Variants in SEMA3A observed in about 807,000 individuals in gnomAD.
SEMA3A encodes semaphorin-3A.
A neutral mutation model predicts 97.9 loss-of-function variants in SEMA3A; 29 were observed. The observed-to-expected ratio is 0.30, with a 90% CI of 0.22 to 0.40. SEMA3A has a LOEUF of 0.40. SEMA3A is among the 10% of genes least tolerant of loss of function. The probability of loss-of-function intolerance (pLI) is 1.00; values close to 1 mark genes in which losing one functional copy is unlikely to be tolerated. For missense variants in SEMA3A, 763 were observed against 951.3 expected, an observed-to-expected ratio of 0.80 and a Z score of 2.60; for synonymous variants, 321 against 323.7, an observed-to-expected ratio of 0.99 and a Z score of 0.09.
intron 3 of SEMA3A, among the ~76,000 whole-genome samples, chr7:84,115,804 T>C (rs1007819582): frequency 7.9e-5 from 12 of 152,162 alleles, no homozygotes; most frequent in Admixed American, 2.6e-4. Flanking sequence ...CTCACCCTGA[T>C]TTCAAAAATG....
rs140486757 is a variant in SEMA3A, at chr7:84,323,966, T to C, written c.-168-16674A>G. On this transcript the variant is annotated intron_variant, in intron 2 of 3. Coordinates refer to the SEMA3A transcript ENST00000424555. ...ATTCTCTTCTAGAGAGTAGCATATT[T>C]TAGTTTTTAAATGTGGTTTACAATA... 1.8e-4 allele frequency among the ~76,000 whole-genome samples: 28 copies of C among 152,336 alleles called. 1 individual carries two copies. The East Asian group carries it at 5.4e-3, about 29-fold the overall frequency.
chr7:84,450,138 A>T (rs1427440640), intron 1 of SEMA3A, among the ~76,000 whole-genome samples: 1 of 151,994 alleles, frequency 6.6e-6, no homozygotes, highest in Non-Finnish European at 1.5e-5. Flanking sequence ...TTTATATTTA[A>T]TTTTTTTGGG....
chr7:84,413,238 T>G (rs1478071231), intron 1 of SEMA3A, among the ~76,000 whole-genome samples: 2 of 152,098 alleles, frequency 1.3e-5, no homozygotes, highest in Non-Finnish European at 2.9e-5. Flanking sequence ...CCTCTCTAAG[T>G]GAAGGTTTTT....
intron 2 of SEMA3A, among the ~76,000 whole-genome samples, chr7:84,337,295 G>A (rs948523586): frequency 6.6e-6 from 1 of 152,038 alleles, no homozygotes; most frequent in Non-Finnish European, 1.5e-5. Flanking sequence ...GTTTTACTGT[G>A]CCTAGCACAT....
chr7:84,009,847 G>A (rs1457621170), intron 9 of SEMA3A, among the ~76,000 whole-genome samples: 2 of 125,294 alleles, frequency 1.6e-5, no homozygotes, highest in Admixed American at 1.0e-4. Flanking sequence ...GAAAGAGCAG[G>A]AAAAGCAGGG....
In SEMA3A at chr7:84,471,996, A is replaced by T. The variant is rs563629561; in HGVS notation, c.-246+20464T>A. Among the ~76,000 whole-genome samples the T allele has an allele frequency of 2.0e-5, 3 of 151,888 alleles. No individual in the cohort carries two copies. The East Asian group carries it at 5.8e-4, about 29-fold the overall frequency. Reference sequence around the variant, plus strand: ...TATTAATTGCATTGACCTGACACTGATCGCTAACCAAATTTAATACAGTTT... The same window carrying T: ...TATTAATTGCATTGACCTGACACTGTTCGCTAACCAAATTTAATACAGTTT... On this transcript the variant is annotated intron_variant, in intron 1 of 3. Transcript: ENST00000424555.
At chr7:84,125,141 A>G (rs1377900339) in intron 3 of SEMA3A, among the ~76,000 whole-genome samples, 1 of 152,174 alleles carries the variant, frequency 6.6e-6, no homozygotes, top group African/African-American at 2.4e-5. Context: ...GAATATGAAG[A>G]AATACCAAAG....
At chr7:84,315,190 G>T (rs10488591) in intron 2 of SEMA3A, among the ~76,000 whole-genome samples, 28,816 of 152,032 alleles carry the variant, frequency 0.19, 3,558 homozygotes, top group Non-Finnish European at 0.29. Context: ...CAGTAAATTT[G>T]TCAGATCACT....
At chr7:84,155,610 T>A (rs1262974552) in intron 1 of SEMA3A, among the ~76,000 whole-genome samples, 2 of 152,168 alleles carry the variant, frequency 1.3e-5, no homozygotes, top group Non-Finnish European at 2.9e-5. Flanking sequence ...GTTTCTGCTT[T>A]ACACTCATTA....
In SEMA3A at chr7:84,007,374, G is replaced by C; in HGVS notation, c.1119C>G (p.Val373=). 1.2e-6 allele frequency: 2 copies of C among 1,607,292 alleles called. No homozygotes were observed. Among genetic ancestry groups the C allele is most frequent in the Non-Finnish European group, 1.7e-6 (2 of 1,176,822 alleles). ...TTACAGTTCCTGGCCGTGGATAGGG[G>C]ACTCTTCCTTGATAAGGCACCCATT... ...NYQWVPYQGR[V]PYPRPGTCPS... Residue 373 remains valine (V), a synonymous_variant, in exon 10 of 17, where the codon GTC becomes GTG. Transcript: ENST00000265362.
chr7:83,985,515 A>T (rs1789593457), intron 12 of SEMA3A, 38 bp from the exon 13 acceptor site: 1 of 1,549,480 alleles, frequency 6.5e-7, no homozygotes, highest in Admixed American at 1.7e-5. Flanking sequence ...TGTTTGGTCA[A>T]TTAGAACAGC....
intron 2 of SEMA3A, among the ~76,000 whole-genome samples, chr7:84,323,171 C>T (rs1313641239): frequency 1.3e-5 from 2 of 152,176 alleles, no homozygotes; most frequent in African/African-American, 2.4e-5. Flanking sequence ...CTTTCTTTAA[C>T]GTTCTCTGAA....
intron 6 of SEMA3A, among the ~76,000 whole-genome samples, chr7:84,036,779 C>G (rs182658464): frequency 1.3e-5 from 2 of 151,930 alleles, no homozygotes; most frequent in African/African-American, 4.8e-5. Context: ...ATTGTTTTTA[C>G]GGACAACCAT....
rs566562385 is a variant in SEMA3A at position 84,392,598 on chromosome 7, C to T, written c.-245-20698G>A. On this transcript the variant is annotated intron_variant, in intron 1 of 3. Coordinates refer to the SEMA3A transcript ENST00000424555. ...GGGTGAAAACGCAGAAGTGGCATTG[C>T]CGGTAATTGAATTTTTAGTGCTTTT... Among the ~76,000 whole-genome samples the T allele has an allele frequency of 1.1e-3, 172 of 152,194 alleles. 6 individuals carry two copies. The South Asian group carries it at 0.035, about 31-fold the overall frequency.
chr7:84,410,255 CTTTATA>C (rs888331832), intron 1 of SEMA3A, among the ~76,000 whole-genome samples: 22 of 151,968 alleles, frequency 1.4e-4, no homozygotes, highest in Admixed American at 1.4e-3. Context: ...ATATATTTAC[CTTTATA>C]TTTATAAACA....
chr7:84,146,285 C>A (rs1796460790), intron 1 of SEMA3A, among the ~76,000 whole-genome samples: 1 of 152,052 alleles, frequency 6.6e-6, no homozygotes, highest in South Asian at 2.1e-4. Context: ...AATTAAAGAT[C>A]TAGAGGGATC....
intron 4 of SEMA3A, among the ~76,000 whole-genome samples, chr7:84,083,398 T>C (rs535961669): frequency 6.6e-6 from 1 of 151,600 alleles, no homozygotes; most frequent in East Asian, 1.9e-4. Flanking sequence ...TAAATCAGGG[T>C]AATTGGGATA....
intron 1 of SEMA3A, among the ~76,000 whole-genome samples, chr7:84,154,603 G>T (rs1340187331): frequency 6.6e-6 from 1 of 151,310 alleles, no homozygotes; most frequent in African/African-American, 2.4e-5. Context: ...TTGAACCTGG[G>T]AGGTGGAGGT....
chr7:84,316,746 G>A (rs529759918), intron 2 of SEMA3A, among the ~76,000 whole-genome samples: 1 of 151,988 alleles, frequency 6.6e-6, no homozygotes, highest in Non-Finnish European at 1.5e-5. Flanking sequence ...CTATAATCCA[G>A]AAGCAGATTT....
Sources: gnomAD v4.1 joint callset for allele counts (sites outside exome capture counted in the v4.1 genomes callset) on GRCh38, gnomAD v4.1.1 for gene constraint, MANE v1.5 for transcripts, NCBI Gene and HGNC (gene_info 2026-07-23, HGNC 2026-07-21) for gene names.